Variants in LRFN2 observed in about 807,000 individuals in gnomAD.
The protein encoded by LRFN2 is leucine-rich repeat and fibronectin type-III domain-containing protein 2.
A neutral mutation model predicts 37.3 loss-of-function variants in LRFN2; 18 were observed. The ratio of observed to expected loss-of-function variants is 0.48; its 90% CI spans 0.33 to 0.72. The LOEUF is 0.72. Among genes scored for constraint, LRFN2 ranks in the 30% least tolerant of loss-of-function variants. The pLI is 0.02. For synonymous variants in LRFN2, 556 were observed against 466.6 expected (o/e 1.19, Z -2.47); for missense variants, 1,006 against 1,060.7 (o/e 0.95, Z 0.72).
In LRFN2 at chr6:40,573,074, C is replaced by T. The variant is rs552614328; in HGVS notation, c.-19+13867G>A. On this transcript the variant is annotated intron_variant, in intron 1 of 2. Transcript: ENST00000338305. Reference sequence around the variant, plus strand: ...AGGCATCCTGCCCATTTATCAAACACGAAAACAAGAGTGAGAAGCATCAGC... The same window carrying T: ...AGGCATCCTGCCCATTTATCAAACATGAAAACAAGAGTGAGAAGCATCAGC... Among the ~76,000 whole-genome samples, 7 of 152,320 alleles carry T rather than the reference C, an allele frequency of 4.6e-5. No individual in the cohort carries two copies. The East Asian group carries it at 7.7e-4, about 17-fold the overall frequency.
chr6:40,443,327 A>G (rs2113835851), intron 1 of LRFN2, among the ~76,000 whole-genome samples: 1 of 152,356 alleles, frequency 6.6e-6, no homozygotes, highest in East Asian at 1.9e-4. Context: ...CATAGAAAAC[A>G]GCCGCAATAG....
At chr6:40,473,248 C>T (rs192126670) in intron 1 of LRFN2, among the ~76,000 whole-genome samples, 3 of 152,288 alleles carry the variant, frequency 2.0e-5, no homozygotes, top group African/African-American at 7.2e-5. Flanking sequence ...GCTTGTGAAG[C>T]GTCTCAGGTA....
chr6:40,395,353 C>T (rs1390126506), intron 2 of LRFN2, among the ~76,000 whole-genome samples: 2 of 152,204 alleles, frequency 1.3e-5, no homozygotes, highest in Non-Finnish European at 2.9e-5. Flanking sequence ...GACATGGAAG[C>T]ATTTTTCCTC....
intron 1 of LRFN2, among the ~76,000 whole-genome samples, chr6:40,570,815 C>A (rs2113794344): frequency 6.6e-6 from 1 of 152,350 alleles, no homozygotes; most frequent in African/African-American, 2.4e-5. Context: ...AGAACATGAT[C>A]TTTTCTAGTA....
chr6:40,483,477 C>T (rs1764881236), intron 1 of LRFN2, among the ~76,000 whole-genome samples: 1 of 152,330 alleles, frequency 6.6e-6, no homozygotes, highest in Middle Eastern at 3.4e-3. Context: ...AAGAGACAGC[C>T]TTGACCTCTG....
intron 1 of LRFN2, among the ~76,000 whole-genome samples, chr6:40,520,613 A>T (rs1295745971): frequency 6.6e-6 from 1 of 152,100 alleles, no homozygotes; most frequent in Non-Finnish European, 1.5e-5. Context: ...TCTAATGGCC[A>T]CTGCTGTTCA....
intron 1 of LRFN2, among the ~76,000 whole-genome samples, chr6:40,465,310 C>T (rs78138512): frequency 5.3e-5 from 8 of 152,188 alleles, no homozygotes; most frequent in East Asian, 1.9e-4. Context: ...ACAGAACCGT[C>T]GGATCATATA....
intron 2 of LRFN2, among the ~76,000 whole-genome samples, chr6:40,399,664 T>C (rs1324716826): frequency 6.6e-6 from 1 of 151,432 alleles, no homozygotes; most frequent in East Asian, 1.9e-4. Context: ...TCTTGAACTC[T>C]TGAGCTCAGA....
chr6:40,464,858 G>C (rs1315104956), intron 1 of LRFN2, among the ~76,000 whole-genome samples: 1 of 151,416 alleles, frequency 6.6e-6, no homozygotes, highest in East Asian at 1.9e-4. Flanking sequence ...ATGACTCTCA[G>C]GTGTAATCTA....
chr6:40,566,162 A>G (rs1321015222), intron 1 of LRFN2, among the ~76,000 whole-genome samples: 1 of 152,250 alleles, frequency 6.6e-6, no homozygotes, highest in East Asian at 1.9e-4. Flanking sequence ...CATCAGAGAA[A>G]TGCAAATCAA....
At chr6:40,511,024 AG>A (rs1765691293) in intron 1 of LRFN2, among the ~76,000 whole-genome samples, 1 of 152,120 alleles carries the variant, frequency 6.6e-6, no homozygotes, top group African/African-American at 2.4e-5. Context: ...CTGGCATTCC[AG>A]GGGAGGGAGA....
In LRFN2 at chr6:40,392,550, C is replaced by G. The variant is rs1214901934; in HGVS notation, c.1763G>C (p.Ser588Thr). 1 of 1,593,686 alleles carries G rather than the reference C, an allele frequency of 6.3e-7. No homozygotes were observed. Among genetic ancestry groups the G allele is most frequent in the South Asian group, 1.1e-5 (1 of 89,742 alleles). The change falls in exon 3 of 3, where the codon AGC becomes ACC. Residue 588 changes from serine (S) to threonine (T), a missense_variant. Physicochemically the swap from Ser to Thr is moderately conservative, Grantham distance 58. This residue lies in a region of LRFN2 where 398 missense variants were observed against 327.6 expected (regional missense o/e 1.21). Transcript: ENST00000338305. The surrounding 1 kb of genome is among the most constrained non-coding windows in gnomAD (Gnocchi z 4.7). Reference protein sequence around the residue: ...QTNGAQPPPPSSAPAGAPPQG... With the variant: ...QTNGAQPPPPTSAPAGAPPQG... ...CGGCGGGGCCCCGGCTGGTGCGCTG[C>G]TTGGAGGCGGTGGCTGGGCGCCGTT...
intron 1 of LRFN2, among the ~76,000 whole-genome samples, chr6:40,527,953 A>C (rs962374811): frequency 1.3e-5 from 2 of 152,210 alleles, no homozygotes; most frequent in Non-Finnish European, 2.9e-5. Flanking sequence ...TGTCTTAAAC[A>C]CACAAACTCA....
intron 1 of LRFN2, among the ~76,000 whole-genome samples, chr6:40,539,897 C>T (rs1327972321): frequency 6.6e-6 from 1 of 152,140 alleles, no homozygotes; most frequent in African/African-American, 2.4e-5. Flanking sequence ...GTTTCTCCAT[C>T]TGTAACCAAG....
rs929199994 is a variant in LRFN2, at chr6:40,435,667, T to C, written c.-18-2536A>G. Among the ~76,000 whole-genome samples, 3 of 152,150 alleles carry C rather than the reference T, an allele frequency of 2.0e-5. No individual in the cohort carries two copies. In the South Asian group the frequency reaches 6.2e-4, roughly 32 times the overall value. Reference sequence around the variant, plus strand: ...CATTCTCCTGCCTCAGCCTCCCTAGTAGCTGGGACTACAGGTGCCCGCCAC... The same window carrying C: ...CATTCTCCTGCCTCAGCCTCCCTAGCAGCTGGGACTACAGGTGCCCGCCAC... On this transcript the variant is annotated intron_variant, in intron 1 of 2. Coordinates refer to ENST00000338305, the MANE Select transcript of LRFN2 (RefSeq NM_020737.3).
chr6:40,458,206 G>A (rs1364270092), intron 1 of LRFN2, among the ~76,000 whole-genome samples: 3 of 152,218 alleles, frequency 2.0e-5, no homozygotes, highest in Non-Finnish European at 4.4e-5. Flanking sequence ...TAGGGTGGCA[G>A]TGAGGAACAG....
chr6:40,517,541 C>A (rs1294031011), intron 1 of LRFN2: 3 of 152,226 alleles, frequency 2.0e-5, no homozygotes, highest in East Asian at 1.9e-4. Flanking sequence ...AGTTCTTAAG[C>A]CTCCTTCAAC....
chr6:40,449,945 C>T (rs1056947150), intron 1 of LRFN2, among the ~76,000 whole-genome samples: 3 of 152,094 alleles, frequency 2.0e-5, no homozygotes, highest in Non-Finnish European at 4.4e-5. Context: ...TTATCACTCA[C>T]AATGAAATCT....
chr6:40,459,192 G>T (rs1219309615), intron 1 of LRFN2, among the ~76,000 whole-genome samples: 1 of 152,216 alleles, frequency 6.6e-6, no homozygotes, highest in African/African-American at 2.4e-5. Flanking sequence ...GCACTGAAGG[G>T]TGCCCTTTGG....
Sources: allele counts gnomAD v4.1 joint callset (sites outside exome capture counted in the v4.1 genomes callset), GRCh38; gene constraint gnomAD v4.1.1; regional missense constraint gnomAD v4.1.1; non-coding constraint Gnocchi (gnomAD v3.1); transcripts MANE v1.5; gene names NCBI Gene and HGNC (gene_info 2026-07-23, HGNC 2026-07-21).